The following TAPT1 variants were observed in gnomAD, a reference collection of about 807,000 sequenced individuals.
The protein encoded by TAPT1 is transmembrane anterior posterior transformation protein 1 homolog.
A neutral mutation model predicts 65.6 loss-of-function variants in TAPT1; 28 were observed. The observed-to-expected ratio is 0.43, with a 90% CI of 0.32 to 0.59. The LOEUF is 0.59. TAPT1 is among the 20% of genes least tolerant of loss of function. TAPT1 has a pLI of 0.09. For synonymous variants in TAPT1, 278 were observed against 245.2 expected, an observed-to-expected ratio of 1.13 and a Z score of -1.25; for missense variants, 563 against 679.9, an observed-to-expected ratio of 0.83 and a Z score of 1.91.
chr4:16,187,982 A>G (rs1395851391), intron 5 of TAPT1, among the ~76,000 whole-genome samples: 1 of 152,208 alleles, frequency 6.6e-6, no homozygotes, highest in East Asian at 1.9e-4. Context: ...CCTTATAATC[A>G]GTTACACTGC....
At chr4:16,201,726 T>C (rs1750042995) in intron 3 of TAPT1, among the ~76,000 whole-genome samples, 1 of 152,174 alleles carries the variant, frequency 6.6e-6, no homozygotes, top group Admixed American at 6.5e-5. Context: ...GATTATCTGT[T>C]CTGGTCTACT....
chr4:16,219,384 C>A (rs925932081), intron 1 of TAPT1, among the ~76,000 whole-genome samples: 4 of 152,238 alleles, frequency 2.6e-5, no homozygotes, highest in African/African-American at 9.6e-5. Context: ...ACACTCTTTA[C>A]TAGTTGCTCC....
chr4:16,224,024 A>T (rs1751407603), intron 1 of TAPT1, among the ~76,000 whole-genome samples: 1 of 152,172 alleles, frequency 6.6e-6, no homozygotes, highest in East Asian at 1.9e-4. Context: ...GGTTGCCTTA[A>T]CTTGCAGGGG....
chr4:16,174,257 T>C lies in TAPT1; in HGVS notation c.1183A>G (p.Ser395Gly). The change falls in exon 11 of 14, where the codon AGT becomes GGT. Residue 395 changes from serine (S) to glycine (G), a missense_variant. Around this residue, in one of 5 missense-constraint regions of TAPT1, gnomAD observed 104 missense variants for 102.5 expected, o/e 1.01. Coordinates refer to ENST00000405303, the MANE Select transcript of TAPT1 (RefSeq NM_153365.3). ...SRQKNAYTDY[S>G]DSVARRMGFI... ...CCCATCCTCCGTGCTACAGAGTCAC[T>C]GTAATCAGTGTATGCCTGAACAGAG... 1 of 1,607,130 alleles carries C rather than the reference T, an allele frequency of 6.2e-7. No individual in the cohort carries two copies.
chr4:16,197,791 G>A (rs1433455435), intron 3 of TAPT1, among the ~76,000 whole-genome samples: 1 of 151,998 alleles, frequency 6.6e-6, no homozygotes, highest in South Asian at 2.1e-4. Context: ...ACTCTTATCT[G>A]GGAAAGAGGG....
At chr4:16,202,429 T>C (rs1449950902) in intron 3 of TAPT1, 33 bp downstream of exon 3, 45 of 1,220,466 alleles carry the variant, frequency 3.7e-5, no homozygotes, top group Non-Finnish European at 4.8e-5. Context: ...TGAAATACTA[T>C]ACATTTACAA....
chr4:16,166,642 G>A lies in TAPT1; in HGVS notation c.1465C>T (p.Pro489Ser). 1.2e-6 allele frequency: 2 copies of A among 1,613,998 alleles called. No homozygotes were observed. Among genetic ancestry groups the A allele is most frequent in the Non-Finnish European group, 1.7e-6 (2 of 1,179,862 alleles). ...AAGGGACCAAACCTACCTTGAGAGG[G>A]TTTACATTTGTTCTGTGATTTACTG... is the stretch of plus-strand genomic sequence containing the variant. ...PSSKSQNKCK[P>S]SQGLSTEENL... is the part of the protein sequence containing the mutation. The change falls in exon 13 of 14, where the codon CCC becomes TCC. Residue 489 changes from proline (P) to serine (S), a missense_variant. This residue lies in a region of TAPT1 where 136 missense variants were observed against 153.9 expected (regional missense o/e 0.88). Transcript: ENST00000405303.
chr4:16,226,086 A>ACGGCCGCGGAGCCTCGG (rs1751536390), intron 1 of TAPT1, 173 bp downstream of exon 1: 1 of 1,022,138 alleles, frequency 9.8e-7, no homozygotes, highest in African/African-American at 1.7e-5. Flanking sequence ...GGAACTGTCA[A>ACGGCCGCGGAGCCTCGG]CGGCCGCGGA....
chr4:16,188,182 T>A, intron 5 of TAPT1, 38 bp downstream of exon 5: 2 of 1,562,168 alleles, frequency 1.3e-6, no homozygotes, highest in Middle Eastern at 1.7e-4. Flanking sequence ...AGACTATGCA[T>A]TAACTGTCGG....
At chr4:16,198,744 AAC>A (rs946551144) in intron 3 of TAPT1, among the ~76,000 whole-genome samples, 1 of 152,200 alleles carries the variant, frequency 6.6e-6, no homozygotes, top group Non-Finnish European at 1.5e-5. Context: ...GGAAGTAGAA[AAC>A]ACAGGAATAA....
intron 1 of TAPT1, among the ~76,000 whole-genome samples, chr4:16,222,518 T>C (rs1257643276): frequency 5.3e-5 from 8 of 152,214 alleles, no homozygotes; most frequent in Admixed American, 3.9e-4. Flanking sequence ...TTGGTTAAGT[T>C]TGGGGCCACT....
At chr4:16,180,258 G>A (rs1292645169) in intron 7 of TAPT1, among the ~76,000 whole-genome samples, 1 of 152,158 alleles carries the variant, frequency 6.6e-6, no homozygotes, top group Non-Finnish European at 1.5e-5. Context: ...TTAGGTGGAA[G>A]GAATTTAATA....
At chr4:16,177,137 G>T (rs1336771699) in intron 8 of TAPT1, among the ~76,000 whole-genome samples, 5 of 152,160 alleles carry the variant, frequency 3.3e-5, no homozygotes, top group African/African-American at 1.2e-4. Context: ...TAGAAGAGAA[G>T]AATTTGACTG....
chr4:16,198,044 T>A (rs979259663), intron 3 of TAPT1, among the ~76,000 whole-genome samples: 2 of 152,124 alleles, frequency 1.3e-5, no homozygotes, highest in Non-Finnish European at 2.9e-5. Context: ...CAACATCTCA[T>A]AATGAACAGT....
intron 2 of TAPT1, among the ~76,000 whole-genome samples, chr4:16,206,379 C>T (rs950684638): frequency 6.6e-6 from 1 of 152,214 alleles, no homozygotes; most frequent in Non-Finnish European, 1.5e-5. Context: ...TTAACTTGAT[C>T]CTCACAACAA....
chr4:16,179,958 G>T (rs16893147), intron 7 of TAPT1, among the ~76,000 whole-genome samples: 3 of 151,892 alleles, frequency 2.0e-5, no homozygotes, highest in East Asian at 3.9e-4. Flanking sequence ...GAGGTCATTA[G>T]GTTCCTCCAA....
In TAPT1 at chr4:16,176,124, C is replaced by A; in HGVS notation, c.1102G>T (p.Ala368Ser). The change falls in exon 9 of 14, where the codon GCA becomes TCA. Residue 368 changes from alanine (A) to serine (S), a missense_variant. Ala to Ser is a moderately conservative substitution (Grantham distance 99). This residue lies in a region of TAPT1 where 104 missense variants were observed against 102.5 expected (regional missense o/e 1.01). Transcript: ENST00000405303. ...GTGCATATCAAAATACATACATCTG[C>A]AGTAATGTCATTGAATTTAGTAATA... ...AFITKFNDIT[A>S]DVYSEYRASL... 2 of 1,477,352 alleles carry A rather than the reference C, an allele frequency of 1.4e-6. No homozygotes were observed. The highest frequency in any genetic ancestry group is 2.5e-5 in the South Asian group (2 of 79,110). The allele number at this position is 1,477,352 out of a possible 1,614,324, so 91.5% of individuals were successfully genotyped here.
chr4:16,168,667 G>A (rs941701164), intron 12 of TAPT1, among the ~76,000 whole-genome samples: 6 of 152,254 alleles, frequency 3.9e-5, no homozygotes, highest in African/African-American at 1.4e-4. Flanking sequence ...ATACTACTGT[G>A]CTTTTCTTCC....
chr4:16,204,891 T>C (rs551318887), intron 2 of TAPT1, among the ~76,000 whole-genome samples: 10 of 152,256 alleles, frequency 6.6e-5, no homozygotes, highest in Non-Finnish European at 1.3e-4. Flanking sequence ...AAATAAAGTT[T>C]AACATAAGTT....
Sources: allele counts gnomAD v4.1 joint callset (sites outside exome capture counted in the v4.1 genomes callset), GRCh38; gene constraint gnomAD v4.1.1; regional missense constraint gnomAD v4.1.1; transcripts MANE v1.5; gene names NCBI Gene and HGNC (gene_info 2026-07-23, HGNC 2026-07-21).